Variants in ATXN2 observed in about 807,000 individuals in gnomAD.
ATXN2 encodes ataxin-2.
ATXN2 carries 37 observed loss-of-function variants against 138.6 expected under a neutral mutation model. The ratio of observed to expected loss-of-function variants is 0.27; its 90% confidence interval spans 0.21 to 0.35. The LOEUF is 0.35. ATXN2 is among the 10% of genes least tolerant of loss of function. ATXN2 has a pLI of 1.00. For missense variants in ATXN2, 1,216 were observed against 1,480.3 expected (o/e 0.82, Z 2.93); for synonymous variants, 549 against 543.7 (o/e 1.01, Z -0.13).
chr12:111,487,131 T>C (rs1227909156), intron 15 of ATXN2, among the ~76,000 whole-genome samples: 1 of 151,970 alleles, frequency 6.6e-6, no homozygotes, highest in Non-Finnish European at 1.5e-5. Flanking sequence ...CAGGTTGGAG[T>C]GCAGCAGTGC....
chr12:111,524,275 G>A (rs1880354309), intron 6 of ATXN2, among the ~76,000 whole-genome samples: 1 of 152,196 alleles, frequency 6.6e-6, no homozygotes, highest in South Asian at 2.1e-4. Context: ...CTGAGGAAGA[G>A]TGTCATTATT....
At chr12:111,509,228 TTAA>T (rs1472232624) in intron 14 of ATXN2, among the ~76,000 whole-genome samples, 2 of 152,192 alleles carry the variant, frequency 1.3e-5, no homozygotes, top group East Asian at 3.8e-4. Context: ...CACTAGATTA[TTAA>T]TGACTTGGCC....
chr12:111,492,636 T>C (rs551962123), intron 14 of ATXN2, among the ~76,000 whole-genome samples: 3 of 151,304 alleles, frequency 2.0e-5, no homozygotes, highest in Admixed American at 2.0e-4. Context: ...GAGCAAAGAC[T>C]GTGCCACTGC....
intron 1 of ATXN2, among the ~76,000 whole-genome samples, chr12:111,582,752 T>TCTGCCTCCCGGGTTCACGCC (rs1884081056): frequency 6.6e-6 from 1 of 152,128 alleles, no homozygotes; most frequent in African/African-American, 2.4e-5. Context: ...CACTGCAAGC[T>TCTGCCTCCCGGGTTCACGCC]CTGCCTCCCG....
intron 14 of ATXN2, among the ~76,000 whole-genome samples, chr12:111,493,792 C>CTAAT (rs984155792): frequency 2.8e-4 from 42 of 151,754 alleles, no homozygotes; most frequent in African/African-American, 9.9e-4. Context: ...CCACGCCTGG[C>CTAAT]TAATTTTTGT....
At chr12:111,460,185 G>A (rs1213515641) in intron 21 of ATXN2, among the ~76,000 whole-genome samples, 6 of 152,092 alleles carry the variant, frequency 3.9e-5, no homozygotes, top group Non-Finnish European at 5.9e-5. Flanking sequence ...GGGTTCAAGC[G>A]ATTCTCCTGT....
At chr12:111,456,654 A>AT (rs1875124613) in intron 22 of ATXN2, among the ~76,000 whole-genome samples, 1 of 152,248 alleles carries the variant, frequency 6.6e-6, no homozygotes, top group Admixed American at 6.5e-5. Flanking sequence ...AATTTGCCTT[A>AT]TGAACTTTAT....
intron 20 of ATXN2, among the ~76,000 whole-genome samples, chr12:111,467,915 T>C (rs898553328): frequency 1.3e-5 from 2 of 152,224 alleles, no homozygotes; most frequent in Non-Finnish European, 2.9e-5. Flanking sequence ...GGAGAAAGAT[T>C]CGGCTCAACA....
At chr12:111,483,151 C>T (rs573674807) in intron 18 of ATXN2, among the ~76,000 whole-genome samples, 5 of 147,892 alleles carry the variant, frequency 3.4e-5, no homozygotes, top group Admixed American at 2.0e-4. Context: ...AGCGCCACTG[C>T]GTTCCAGCCT....
intron 21 of ATXN2, among the ~76,000 whole-genome samples, chr12:111,463,006 ATG>A (rs1352698613): frequency 1.3e-5 from 2 of 152,020 alleles, no homozygotes; most frequent in East Asian, 3.9e-4. Context: ...ACACACATAT[ATG>A]TATGTATGTA....
At chr12:111,525,883 C>T (rs747834645) in intron 5 of ATXN2, among the ~76,000 whole-genome samples, 8 of 151,830 alleles carry the variant, frequency 5.3e-5, no homozygotes, top group Non-Finnish European at 8.8e-5. Context: ...GGGGTTTCAC[C>T]GTGTTAGCCA....
chr12:111,590,907 T>C (rs1261369300), intron 1 of ATXN2, among the ~76,000 whole-genome samples: 1 of 151,904 alleles, frequency 6.6e-6, no homozygotes, highest in African/African-American at 2.4e-5. Context: ...TTTTTTTTTT[T>C]AGACGGAGTC....
intron 2 of ATXN2, among the ~76,000 whole-genome samples, chr12:111,554,817 C>T (rs1429052582): frequency 6.6e-6 from 1 of 152,018 alleles, no homozygotes; most frequent in African/African-American, 2.4e-5. Flanking sequence ...AGAAATGTAC[C>T]CTAAGAAGGG....
chr12:111,507,080 C>A (rs1365907884), intron 14 of ATXN2, among the ~76,000 whole-genome samples: 6 of 152,084 alleles, frequency 3.9e-5, no homozygotes, highest in Non-Finnish European at 1.5e-5. Context: ...TCTGCCCGGC[C>A]GCCACCCCGT....
At chr12:111,528,698 A>G (rs928292822) in intron 5 of ATXN2, among the ~76,000 whole-genome samples, 3 of 152,216 alleles carry the variant, frequency 2.0e-5, no homozygotes, top group African/African-American at 7.2e-5. Flanking sequence ...AATTTCACCA[A>G]AAGTAGCTCT....
intron 1 of ATXN2, among the ~76,000 whole-genome samples, chr12:111,561,997 G>A (rs1294319087): frequency 2.0e-5 from 3 of 151,776 alleles, no homozygotes; most frequent in African/African-American, 4.8e-5. Context: ...ATTTTTAGTA[G>A]AGACAGGGTT....
chr12:111,562,600 A>G (rs891887312), intron 1 of ATXN2, among the ~76,000 whole-genome samples: 7 of 151,486 alleles, frequency 4.6e-5, no homozygotes, highest in Non-Finnish European at 1.0e-4. Flanking sequence ...CATGTCTGTA[A>G]TCCCAGCTAC....
intron 21 of ATXN2, among the ~76,000 whole-genome samples, chr12:111,464,335 TTGTGTGTGTGTG>T (rs375641693): frequency 1.2e-4 from 13 of 105,784 alleles, no homozygotes; most frequent in South Asian, 5.4e-4. Context: ...GTGTGTGTGT[TTGTGTGTGTGTG>T]TGTGTGTGTG....
chr12:111,551,692 T>C (rs893882747), intron 5 of ATXN2, among the ~76,000 whole-genome samples: 2 of 152,194 alleles, frequency 1.3e-5, no homozygotes, highest in African/African-American at 2.4e-5. Flanking sequence ...CAGTTGAATA[T>C]AATCAGTAGC....
Sources: allele counts gnomAD v4.1 joint callset (sites outside exome capture counted in the v4.1 genomes callset), GRCh38; gene constraint gnomAD v4.1.1; transcripts MANE v1.5; gene names NCBI Gene and HGNC (gene_info 2026-07-23, HGNC 2026-07-21).